BBS9: variants seen among roughly 807,000 people sequenced by gnomAD.
The protein encoded by BBS9 is protein PTHB1.
In BBS9, 89 loss-of-function variants were observed where a neutral mutation model predicts 117.7. The ratio of observed to expected loss-of-function variants is 0.76; its 90% CI spans 0.64 to 0.90. The LOEUF (loss-of-function observed/expected upper bound fraction) is 0.90. BBS9 is among the 40% of genes least tolerant of loss of function. The probability of loss-of-function intolerance (pLI) is 0.00; values close to 1 mark genes in which losing one functional copy is unlikely to be tolerated. For synonymous variants in BBS9, 379 were observed against 370.9 expected (o/e 1.02, Z -0.25); for missense variants, 982 against 1,042.2 (o/e 0.94, Z 0.80).
At chr7:33,382,661 A>T (rs1286199607) in intron 17 of BBS9, among the ~76,000 whole-genome samples, 2 of 152,156 alleles carry the variant, frequency 1.3e-5, no homozygotes, top group Non-Finnish European at 2.9e-5. Flanking sequence ...CTGCTCTCTT[A>T]CTAACTGGCT....
chr7:33,568,405 C>A (rs1393481508), intron 21 of BBS9, among the ~76,000 whole-genome samples: 1 of 152,128 alleles, frequency 6.6e-6, no homozygotes. Flanking sequence ...TCCTAGGTAA[C>A]CCTATCGCTT....
intron 19 of BBS9, among the ~76,000 whole-genome samples, chr7:33,420,955 A>G (rs1172060625): frequency 1.3e-5 from 2 of 152,160 alleles, no homozygotes; most frequent in Admixed American, 1.3e-4. Context: ...TTGCATCCGT[A>G]TCATCGAGGC....
intron 9 of BBS9, among the ~76,000 whole-genome samples, chr7:33,284,141 A>G (rs1315491272): frequency 1.3e-5 from 2 of 151,736 alleles, no homozygotes; most frequent in African/African-American, 4.8e-5. Context: ...CTAGGACCTG[A>G]CTCTCTCTTC....
chr7:33,376,134 C>T (rs571595355), intron 17 of BBS9, among the ~76,000 whole-genome samples: 3 of 152,170 alleles, frequency 2.0e-5, no homozygotes, highest in Non-Finnish European at 4.4e-5. Context: ...CACCCAGGTA[C>T]TAAGTGTAGT....
intron 1 of BBS9, among the ~76,000 whole-genome samples, chr7:33,139,328 A>G (rs1791086468): frequency 6.6e-6 from 1 of 151,264 alleles, no homozygotes; most frequent in African/African-American, 2.4e-5. Flanking sequence ...AGGCATTCCT[A>G]TTTGTAGACA....
rs141818264 is a variant in BBS9 at position 33,552,915 on chromosome 7, T to C, written c.2521+18739T>C. 4.2e-3 allele frequency among the ~76,000 whole-genome samples: 643 copies of C among 152,294 alleles called. 3 individuals carry two copies. Among genetic ancestry groups the C allele is most frequent in the Non-Finnish European group, 8.2e-3 (558 of 68,024 alleles). ...CTCTGCTTCTGTCTCTCCATCCACT[T>C]CTCCACCAGCAATTTCTTCACAATT... On this transcript the variant is annotated intron_variant, in intron 21 of 22. Coordinates refer to ENST00000242067, the MANE Select transcript of BBS9 (RefSeq NM_198428.3).
chr7:33,416,304 G>GC (rs1832009775), intron 19 of BBS9, among the ~76,000 whole-genome samples: 1 of 151,106 alleles, frequency 6.6e-6, no homozygotes, highest in Non-Finnish European at 1.5e-5. Context: ...CTGCTTGACA[G>GC]CCTTCACCAC....
At chr7:33,537,377 C>T (rs1245362320) in intron 21 of BBS9, among the ~76,000 whole-genome samples, 5 of 152,156 alleles carry the variant, frequency 3.3e-5, no homozygotes, top group African/African-American at 1.2e-4. Context: ...AACTTCTTTG[C>T]CTTACATTTC....
chr7:33,145,957 T>C (rs1325882040), intron 1 of BBS9, among the ~76,000 whole-genome samples: 1 of 152,212 alleles, frequency 6.6e-6, no homozygotes, highest in Non-Finnish European at 1.5e-5. Flanking sequence ...CCAAAGAATC[T>C]GTTCTTTTGT....
At chr7:33,513,532 CTG>C (rs990193184) in intron 20 of BBS9, among the ~76,000 whole-genome samples, 33 of 152,274 alleles carry the variant, frequency 2.2e-4, no homozygotes, top group African/African-American at 6.7e-4. Flanking sequence ...TGTCCAATAA[CTG>C]TGTAGTTTTT....
At chr7:33,408,182 G>T (rs1830418745) in intron 19 of BBS9, among the ~76,000 whole-genome samples, 2 of 152,202 alleles carry the variant, frequency 1.3e-5, no homozygotes, top group South Asian at 4.1e-4. Flanking sequence ...CTTGCAGTTT[G>T]ATCTCAGACT....
chr7:33,321,203 A>G (rs1811643548), intron 9 of BBS9, among the ~76,000 whole-genome samples: 1 of 151,914 alleles, frequency 6.6e-6, no homozygotes, highest in South Asian at 2.1e-4. Flanking sequence ...TGCTCAGGAT[A>G]GCTTTGGCTA....
intron 21 of BBS9, among the ~76,000 whole-genome samples, chr7:33,602,249 C>G (rs1381617643): frequency 6.6e-6 from 1 of 152,162 alleles, no homozygotes; most frequent in Non-Finnish European, 1.5e-5. Context: ...AACTAATCAT[C>G]TGGCATATTC....
chr7:33,553,086 C>T (rs986909223), intron 21 of BBS9, among the ~76,000 whole-genome samples: 1 of 152,126 alleles, frequency 6.6e-6, no homozygotes, highest in African/African-American at 2.4e-5. Context: ...CTCCTGTACC[C>T]GCCCCACACT....
At chr7:33,562,156 C>G (rs145643904) in intron 21 of BBS9, among the ~76,000 whole-genome samples, 57 of 152,174 alleles carry the variant, frequency 3.7e-4, no homozygotes, top group African/African-American at 1.2e-3. Context: ...TATAACTGTG[C>G]CATATAGGGC....
At chr7:33,612,331 T>G (rs1380626867) in intron 21 of BBS9, among the ~76,000 whole-genome samples, 2 of 152,056 alleles carry the variant, frequency 1.3e-5, no homozygotes, top group Non-Finnish European at 2.9e-5. Context: ...TTTAATCACA[T>G]GAGGATGGAT....
chr7:33,588,276 A>G (rs576867528), intron 21 of BBS9, among the ~76,000 whole-genome samples: 1 of 152,238 alleles, frequency 6.6e-6, no homozygotes, highest in Admixed American at 6.5e-5. Context: ...TTTTTGGTTC[A>G]CAGAGCAGCC....
At chr7:33,321,131 C>G (rs1017888491) in intron 9 of BBS9, among the ~76,000 whole-genome samples, 4 of 151,948 alleles carry the variant, frequency 2.6e-5, no homozygotes, top group African/African-American at 4.8e-5. Flanking sequence ...CTGTTTTGGT[C>G]ACCATAGCTC....
At chr7:33,208,839 GGATA>G (rs1787465158) in intron 5 of BBS9, among the ~76,000 whole-genome samples, 7 of 151,786 alleles carry the variant, frequency 4.6e-5, no homozygotes, top group Non-Finnish European at 8.8e-5. Flanking sequence ...GCACATAGTA[GGATA>G]TATATTTATG....
Sources: allele counts gnomAD v4.1 joint callset (sites outside exome capture counted in the v4.1 genomes callset), GRCh38; gene constraint gnomAD v4.1.1; transcripts MANE v1.5; gene names NCBI Gene and HGNC (gene_info 2026-07-23, HGNC 2026-07-21).